Variants in FAF1 observed in about 807,000 individuals in gnomAD.
FAF1 encodes FAS-associated factor 1.
FAF1 carries 25 observed loss-of-function variants against 92.5 expected under a neutral mutation model. That is an observed-to-expected ratio of 0.27 (90% CI 0.20 to 0.38). The LOEUF (loss-of-function observed/expected upper bound fraction) is 0.38. Among genes scored for constraint, FAF1 ranks in the 10% least tolerant of loss-of-function variants. FAF1 has a pLI of 1.00. For missense variants in FAF1, 636 were observed against 793.3 expected (o/e 0.80, Z 2.38); for synonymous variants, 234 against 273.2 (o/e 0.86, Z 1.42).
At chr1:50,807,291 G>A (rs1163559619) in intron 2 of FAF1, among the ~76,000 whole-genome samples, 3 of 152,222 alleles carry the variant, frequency 2.0e-5, no homozygotes, top group African/African-American at 7.2e-5. Flanking sequence ...TTCAGACTGG[G>A]TAATTTATAA....
At chr1:50,900,608 AAAT>A (rs1284760581) in intron 1 of FAF1, among the ~76,000 whole-genome samples, 3 of 152,188 alleles carry the variant, frequency 2.0e-5, no homozygotes, top group East Asian at 1.9e-4. Context: ...CTACAGAGAA[AAAT>A]AATAACTTCC....
intron 7 of FAF1, 58 bp downstream of exon 7, chr1:50,705,727 AG>A (rs2124423919): frequency 4.3e-6 from 4 of 922,928 alleles, no homozygotes; most frequent in Middle Eastern, 2.5e-4. Context: ...CCTCTTTAAC[AG>A]GGTCAACATT....
chr1:50,615,882 T>G (rs767121844), intron 8 of FAF1, among the ~76,000 whole-genome samples: 7 of 152,188 alleles, frequency 4.6e-5, no homozygotes, highest in Non-Finnish European at 1.0e-4. Context: ...TCAATTTTTG[T>G]TTTTGTTGCA....
At chr1:50,614,542 AAAAC>A (rs1319288304) in intron 8 of FAF1, among the ~76,000 whole-genome samples, 2 of 152,084 alleles carry the variant, frequency 1.3e-5, no homozygotes, top group Non-Finnish European at 2.9e-5. Context: ...TCTTCCTTTA[AAAAC>A]AAAACAAAAT....
intron 2 of FAF1, among the ~76,000 whole-genome samples, chr1:50,813,321 A>C (rs574109283): frequency 6.6e-6 from 1 of 152,352 alleles, no homozygotes; most frequent in Non-Finnish European, 1.5e-5. Context: ...AAAATAGAGA[A>C]AAGTATAAAG....
chr1:50,755,293 GC>G (rs1248544042), intron 4 of FAF1, among the ~76,000 whole-genome samples: 3 of 152,152 alleles, frequency 2.0e-5, no homozygotes, highest in African/African-American at 7.2e-5. Context: ...AAAATGAAGG[GC>G]TAAAGGCTCC....
At chr1:50,563,525 G>A (rs769863830) in intron 13 of FAF1, among the ~76,000 whole-genome samples, 69 of 151,968 alleles carry the variant, frequency 4.5e-4, no homozygotes, top group Non-Finnish European at 7.6e-4. Flanking sequence ...ACTAGATAAG[G>A]TGGCCCAAAA....
intron 8 of FAF1, among the ~76,000 whole-genome samples, chr1:50,617,649 G>T (rs1251149081): frequency 6.7e-6 from 1 of 149,586 alleles, no homozygotes; most frequent in Non-Finnish European, 1.5e-5. Flanking sequence ...TTAGGGTGAC[G>T]CTGGCCTCAC....
At chr1:50,552,221 C>T (rs868368206) in intron 13 of FAF1, among the ~76,000 whole-genome samples, 20 of 149,620 alleles carry the variant, frequency 1.3e-4, no homozygotes, top group South Asian at 4.4e-4. Flanking sequence ...AGCTTGAACC[C>T]GGGAGGTGGA....
At chr1:50,738,804 A>C in intron 6 of FAF1, 59 bp downstream of exon 6, 1 of 1,148,834 alleles carries the variant, frequency 8.7e-7, no homozygotes, top group African/African-American at 1.5e-5. Context: ...ATACAACTTA[A>C]AGCAATTTTA....
At chr1:50,689,793 A>C (rs1656834584) in intron 7 of FAF1, among the ~76,000 whole-genome samples, 1 of 152,186 alleles carries the variant, frequency 6.6e-6, no homozygotes. Flanking sequence ...AACACAGATG[A>C]ACCTTAAAAA....
At position 50,744,784 on chromosome 1, in the gene FAF1, A is replaced by G. The variant is rs1659520921; in HGVS notation, c.368-9T>C. The G allele has an allele frequency of 6.8e-7, 1 of 1,466,638 alleles. No individual in the cohort carries two copies. 90.9% of individuals were successfully genotyped at this position (1,466,638 alleles called of 1,614,324 possible). ...AATCTGTTTAATCTCTCCTGTATAAATAAGAAGAGATCAAATATTACTAAC... is the reference window on the plus strand; with the variant it reads ...AATCTGTTTAATCTCTCCTGTATAAGTAAGAAGAGATCAAATATTACTAAC... On this transcript the variant is annotated splice_polypyrimidine_tract_variant and intron_variant, in intron 4 of 18. Transcript: ENST00000396153.
chr1:50,815,829 G>A (rs913517215), intron 2 of FAF1, among the ~76,000 whole-genome samples: 1 of 152,050 alleles, frequency 6.6e-6, no homozygotes. Context: ...TTCGAGACCA[G>A]CCTGGCCAAC....
At chr1:50,540,453 A>C (rs2149040586) in intron 13 of FAF1, among the ~76,000 whole-genome samples, 1 of 152,276 alleles carries the variant, frequency 6.6e-6, no homozygotes, top group Middle Eastern at 3.4e-3. Flanking sequence ...AGAATCAACA[A>C]CTGTACTTTA....
chr1:50,885,998 TC>T (rs1306002378), intron 1 of FAF1, among the ~76,000 whole-genome samples: 1 of 152,116 alleles, frequency 6.6e-6, no homozygotes, highest in South Asian at 2.1e-4. Context: ...TCAGCCCCCC[TC>T]TTTTTAACTT....
intron 3 of FAF1, among the ~76,000 whole-genome samples, chr1:50,797,754 C>T (rs967496284): frequency 6.6e-6 from 1 of 152,004 alleles, no homozygotes; most frequent in Non-Finnish European, 1.5e-5. Context: ...GCCTGTAGAC[C>T]CAGTTACTCA....
intron 1 of FAF1, among the ~76,000 whole-genome samples, chr1:50,877,710 C>G (rs72904734): frequency 1.4e-3 from 213 of 152,152 alleles, no homozygotes; most frequent in African/African-American, 4.8e-3. Context: ...ACCCTCCTGG[C>G]CAGGAAGAAA....
At position 50,440,514 on chromosome 1, in the gene FAF1, T is replaced by C. The variant is rs1411315348; in HGVS notation, c.*926A>G. ...AGAGTCCATGGGGCTGCTCATCAGA[T>C]TTTGTTGATAGGCAAGGTGCTTAAA... On this transcript the variant is annotated 3_prime_UTR_variant, in exon 19 of 19. Transcript: ENST00000396153. 1 of 152,226 alleles carries C rather than the reference T, an allele frequency of 6.6e-6. No individual in the cohort carries two copies. The highest frequency in any genetic ancestry group is 1.5e-5 in the Non-Finnish European group (1 of 68,046). The allele number at this position is 152,226 out of a possible 1,614,324, so 9.4% of individuals were successfully genotyped here.
chr1:50,669,774 C>T (rs2124335531), intron 7 of FAF1, among the ~76,000 whole-genome samples: 1 of 152,324 alleles, frequency 6.6e-6, no homozygotes, highest in South Asian at 2.1e-4. Context: ...TGGCCATTAA[C>T]CACATATGGC....
Sources: gnomAD v4.1 joint callset for allele counts (sites outside exome capture counted in the v4.1 genomes callset) on GRCh38, gnomAD v4.1.1 for gene constraint, MANE v1.5 for transcripts, NCBI Gene and HGNC (gene_info 2026-07-23, HGNC 2026-07-21) for gene names.